Variants in SH3GL3 observed in about 807,000 individuals in gnomAD.
The protein encoded by SH3GL3 is SH3 domain containing GRB2 like 3, endophilin A3.
A neutral mutation model predicts 47.7 loss-of-function variants in SH3GL3; 33 were observed. The observed-to-expected ratio is 0.69, with a 90% CI of 0.52 to 0.92. SH3GL3 has a LOEUF of 0.92. SH3GL3 is among the 40% of genes least tolerant of loss of function. The pLI is 0.00. For missense variants in SH3GL3, 363 were observed against 417.8 expected (o/e 0.87, Z 1.14); for synonymous variants, 155 against 148.8 (o/e 1.04, Z -0.30).
At chr15:83,534,042 T>C (rs936905228) in intron 1 of SH3GL3, among the ~76,000 whole-genome samples, 3 of 152,322 alleles carry the variant, frequency 2.0e-5, no homozygotes, top group Admixed American at 6.5e-5. Flanking sequence ...TGTGTTTCAA[T>C]ATGTTCCCAT....
At chr15:83,550,684 C>T (rs1328610007) in intron 1 of SH3GL3, among the ~76,000 whole-genome samples, 1 of 152,160 alleles carries the variant, frequency 6.6e-6, no homozygotes, top group Non-Finnish European at 1.5e-5. Context: ...GCCACTGTGC[C>T]CGGCCCTCCA....
chr15:83,460,293 T>C (rs926864062), intron 1 of SH3GL3, among the ~76,000 whole-genome samples: 5 of 151,708 alleles, frequency 3.3e-5, no homozygotes, highest in African/African-American at 1.2e-4. Context: ...GTCTAAATTG[T>C]TCCATGTAAC....
intron 8 of SH3GL3, among the ~76,000 whole-genome samples, chr15:83,614,812 C>G (rs1596356854): frequency 6.6e-6 from 1 of 152,106 alleles, no homozygotes. Context: ...TAATATAATC[C>G]TTCTCACAAC....
At chr15:83,615,648 G>A (rs1051026784) in intron 8 of SH3GL3, among the ~76,000 whole-genome samples, 5 of 152,070 alleles carry the variant, frequency 3.3e-5, no homozygotes, top group African/African-American at 1.2e-4. Flanking sequence ...TATTTAAAAT[G>A]ATATGGTACT....
chr15:83,492,588 T>A (rs1166507681), intron 1 of SH3GL3, among the ~76,000 whole-genome samples: 1 of 152,110 alleles, frequency 6.6e-6, no homozygotes, highest in Non-Finnish European at 1.5e-5. Context: ...ATTTATTCTG[T>A]CCCCAAGGTT....
At chr15:83,523,927 A>G (rs2043307041) in intron 1 of SH3GL3, among the ~76,000 whole-genome samples, 1 of 144,942 alleles carries the variant, frequency 6.9e-6, no homozygotes, top group Non-Finnish European at 1.5e-5. Context: ...GGGGAAGATC[A>G]TATTTGGTGT....
intron 1 of SH3GL3, among the ~76,000 whole-genome samples, chr15:83,541,911 G>T (rs1472052055): frequency 2.0e-5 from 3 of 151,958 alleles, no homozygotes; most frequent in East Asian, 3.9e-4. Context: ...CCATTCTGTG[G>T]GTTGTCTTTT....
At chr15:83,598,696 A>G (rs2060298171) in intron 8 of SH3GL3, among the ~76,000 whole-genome samples, 1 of 152,142 alleles carries the variant, frequency 6.6e-6, no homozygotes, top group Non-Finnish European at 1.5e-5. Flanking sequence ...TCTTTTTTTC[A>G]ATTCTCTTAT....
intron 1 of SH3GL3, among the ~76,000 whole-genome samples, chr15:83,522,128 A>G (rs964119983): frequency 1.3e-5 from 2 of 152,104 alleles, no homozygotes; most frequent in Non-Finnish European, 2.9e-5. Context: ...AAAGATAACA[A>G]TTTGGGTGCT....
At chr15:83,605,266 G>C (rs574909146) in intron 8 of SH3GL3, among the ~76,000 whole-genome samples, 1 of 152,134 alleles carries the variant, frequency 6.6e-6, no homozygotes, top group African/African-American at 2.4e-5. Context: ...TCAAGTTCCC[G>C]TCTCACACAC....
intron 1 of SH3GL3, among the ~76,000 whole-genome samples, chr15:83,473,880 G>A (rs143621620): frequency 6.7e-6 from 1 of 149,060 alleles, no homozygotes; most frequent in African/African-American, 2.5e-5. Flanking sequence ...ATGTCCATGC[G>A]CATTTCCGTG....
At chr15:83,594,644 T>A (rs1173833476) in intron 8 of SH3GL3, among the ~76,000 whole-genome samples, 2 of 152,332 alleles carry the variant, frequency 1.3e-5, no homozygotes, top group South Asian at 4.1e-4. Flanking sequence ...CTTTCTTTGT[T>A]TTTAATGAAC....
intron 1 of SH3GL3, among the ~76,000 whole-genome samples, chr15:83,482,139 T>C (rs958348868): frequency 6.6e-6 from 1 of 152,244 alleles, no homozygotes; most frequent in African/African-American, 2.4e-5. Context: ...ACATATGTGC[T>C]GATCATTTGC....
intron 4 of SH3GL3, 61 bp from the exon 5 acceptor site, chr15:83,572,504 G>A: frequency 2.1e-6 from 3 of 1,398,170 alleles, no homozygotes; most frequent in Non-Finnish European, 3.0e-6. Context: ...GAAATAAATA[G>A]CACTGTTAAC....
At chr15:83,619,255 C>G (rs1254595104), downstream of SH3GL3, among the ~76,000 whole-genome samples, 1 of 152,220 alleles carries the variant, frequency 6.6e-6, no homozygotes, top group Non-Finnish European at 1.5e-5. Flanking sequence ...TACAGACACA[C>G]CTCAGAGATA....
chr15:83,628,545 C>A, the SH3GL3 span, among the ~76,000 whole-genome samples: 2 of 152,050 alleles, frequency 1.3e-5, no homozygotes, highest in Admixed American at 1.3e-4. Context: ...GAGTCCGAGA[C>A]CAGCCTGGCC....
intron 1 of SH3GL3, among the ~76,000 whole-genome samples, chr15:83,530,909 A>T (rs2043640214): frequency 6.6e-6 from 1 of 152,132 alleles, no homozygotes; most frequent in Non-Finnish European, 1.5e-5. Context: ...GAGACATTAC[A>T]TTTATTTCCT....
At chr15:83,535,689 A>C (rs2043872039) in intron 1 of SH3GL3, among the ~76,000 whole-genome samples, 1 of 152,198 alleles carries the variant, frequency 6.6e-6, no homozygotes, top group African/African-American at 2.4e-5. Context: ...GTGTTCTAAA[A>C]AGAATCTTCT....
chr15:83,499,566 C>T (rs954529848), intron 1 of SH3GL3, among the ~76,000 whole-genome samples: 1 of 152,098 alleles, frequency 6.6e-6, no homozygotes, highest in Non-Finnish European at 1.5e-5. Context: ...CCAGTTCTCA[C>T]AGAGATCCAA....
Sources: allele counts gnomAD v4.1 joint callset (sites outside exome capture counted in the v4.1 genomes callset), GRCh38; gene constraint gnomAD v4.1.1; transcripts MANE v1.5; gene names NCBI Gene and HGNC (gene_info 2026-07-23, HGNC 2026-07-21).